The following RABL2A variants were observed in gnomAD, a reference collection of about 807,000 sequenced individuals.
The protein encoded by RABL2A is rab-like protein 2A.
In RABL2A, 17 loss-of-function variants were observed where a neutral mutation model predicts 30.7. That is an observed-to-expected ratio of 0.55 (90% CI 0.38 to 0.83). The LOEUF (loss-of-function observed/expected upper bound fraction) is 0.83, where lower values mean the gene tolerates loss of function less well. RABL2A is among the 40% of genes least tolerant of loss of function. The pLI is 0.00. For missense variants in RABL2A, 155 were observed against 272.6 expected, an observed-to-expected ratio of 0.57 and a Z score of 3.04; for synonymous variants, 64 against 101.8, an observed-to-expected ratio of 0.63 and a Z score of 2.24.
At position 113,634,191 on chromosome 2, in the gene RABL2A, A is replaced by T; in HGVS notation, c.176A>T (p.Tyr59Phe). ...QQLSTYALTL[Y>F]KHTATVDGKT... Reference sequence around the variant, plus strand: ...CTGTCCACGTACGCCCTGACCCTGTACAAGCACACAGCCACGGTAGATGGC... The same window carrying T: ...CTGTCCACGTACGCCCTGACCCTGTTCAAGCACACAGCCACGGTAGATGGC... The change falls in exon 4 of 9, where the codon TAC (tyrosine) becomes TTC (phenylalanine). Residue 59 changes from tyrosine to phenylalanine, a missense_variant. By Grantham distance (22) the Tyr-to-Phe change is conservative. Transcript: ENST00000683472. 1 of 1,612,904 alleles carries T rather than the reference A, an allele frequency of 6.2e-7. No homozygotes were observed. The highest frequency in any genetic ancestry group is 8.5e-7 in the Non-Finnish European group (1 of 1,179,410).
At chr2:113,627,682 C>T (rs1678613641) in intron 1 of RABL2A, among the ~76,000 whole-genome samples, 1 of 152,222 alleles carries the variant, frequency 6.6e-6, no homozygotes, top group African/African-American at 2.4e-5. Flanking sequence ...TCCAGGGATG[C>T]CGAGGAGGGA....
chr2:113,634,417 G>A, intron 4 of RABL2A, 185 bp downstream of exon 4: 2 of 712,956 alleles, frequency 2.8e-6, no homozygotes, highest in Non-Finnish European at 4.2e-6. Context: ...GGCACGCAGG[G>A]GCCAAGTCCC....
At chr2:113,633,415 T>G (rs549389935) in intron 3 of RABL2A, 1 of 224,516 alleles carries the variant, frequency 4.5e-6, no homozygotes, top group Non-Finnish European at 8.7e-6. Context: ...TGGAGTGAGT[T>G]CCTCCCCGCA....
intron 2 of RABL2A, 58 bp from the exon 3 acceptor site, chr2:113,632,857 T>A (rs1196597377): frequency 6.2e-7 from 1 of 1,614,056 alleles, no homozygotes; most frequent in Admixed American, 1.7e-5. Context: ...GGTGAAAAAG[T>A]CTGGGACAAG....
intron 1 of RABL2A, 60 bp downstream of exon 1, chr2:113,627,460 T>C (rs1678492398): frequency 6.6e-6 from 1 of 151,096 alleles, no homozygotes; most frequent in Non-Finnish European, 1.5e-5. Flanking sequence ...CTCCGAGGCC[T>C]CCCTAGCGGT....
intron 5 of RABL2A, 48 bp from the exon 6 acceptor site, chr2:113,640,846 A>G (rs1187899200): frequency 6.2e-7 from 1 of 1,611,606 alleles, no homozygotes. Flanking sequence ...GATGGGGTGC[A>G]GAAACATTGA....
At chr2:113,628,761 G>A (rs149500718) in intron 2 of RABL2A, 48 bp downstream of exon 2, 278,003 of 1,057,806 alleles carry the variant, frequency 0.26, 28,416 homozygotes, top group Middle Eastern at 0.36. Context: ...AGAGGGTCCA[G>A]GTCATTTAAA....
intron 6 of RABL2A, 120 bp from the exon 7 acceptor site, chr2:113,641,233 G>A (rs1392260297): frequency 7.2e-6 from 11 of 1,529,938 alleles, no homozygotes; most frequent in South Asian, 1.2e-5. Context: ...GCTCTTTCTA[G>A]GACATGTTTC....
chr2:113,631,603 T>C (rs1680389389), intron 2 of RABL2A, among the ~76,000 whole-genome samples: 1 of 152,192 alleles, frequency 6.6e-6, no homozygotes, highest in African/African-American at 2.4e-5. Flanking sequence ...GCTCTGTTTT[T>C]GAGCTCAGGC....
intron 5 of RABL2A, among the ~76,000 whole-genome samples, chr2:113,635,710 T>C (rs1307964659): frequency 6.6e-6 from 1 of 152,222 alleles, no homozygotes; most frequent in Non-Finnish European, 1.5e-5. Flanking sequence ...TCTGTAAACC[T>C]GTGTCCTATA....
chr2:113,635,637 G>A (rs793077), intron 5 of RABL2A: 67,973 of 191,614 alleles, frequency 0.35, 14,665 homozygotes, highest in African/African-American at 0.64. Context: ...CCCGGGTGTG[G>A]TGAAGCAGTC....
In RABL2A at chr2:113,632,834, T is replaced by A; in HGVS notation, c.108-81T>A. Reference sequence around the variant, plus strand: ...AGGGAAGCCACAGGTGGCTTCCAGGTTGTCAGCCTTAGGGTGAAAAAGTCT... The same window carrying A: ...AGGGAAGCCACAGGTGGCTTCCAGGATGTCAGCCTTAGGGTGAAAAAGTCT... On this transcript the variant is annotated intron_variant, in intron 2 of 8. Coordinates refer to ENST00000683472, the MANE Select transcript of RABL2A (RefSeq NM_001306158.2). The A allele has an allele frequency of 6.8e-6, 11 of 1,608,944 alleles. No homozygotes were observed. The South Asian group carries it at 1.2e-4, about 18-fold the overall frequency.
intron 5 of RABL2A, 32 bp from the exon 6 acceptor site, chr2:113,640,862 C>G (rs370706326): frequency 6.2e-7 from 1 of 1,613,670 alleles, no homozygotes; most frequent in Admixed American, 1.7e-5. Context: ...ATTGACATAC[C>G]TGAGCTATCT....
intron 5 of RABL2A, among the ~76,000 whole-genome samples, chr2:113,636,279 G>A (rs564187224): frequency 1.7e-3 from 264 of 151,958 alleles, no homozygotes; most frequent in African/African-American, 6.0e-3. Flanking sequence ...AAAACTTGGC[G>A]GTACAAAACA....
At position 113,631,192 on chromosome 2, in the gene RABL2A, G is replaced by T. The variant is rs553119712; in HGVS notation, c.108-1723G>T. On this transcript the variant is annotated intron_variant, in intron 2 of 8. Coordinates refer to ENST00000683472, the MANE Select transcript of RABL2A (RefSeq NM_001306158.2). ...TTACAGGTGTGAGCCACCGCACCCA[G>T]CCAACAAGACGTGGCTTTCTGATTC... is the stretch of plus-strand genomic sequence containing the variant. Among the ~76,000 whole-genome samples, 116 of 152,296 alleles carry T rather than the reference G, an allele frequency of 7.6e-4. 1 individual carries two copies. The highest frequency in any genetic ancestry group is 2.6e-3 in the African/African-American group (109 of 41,560).
chr2:113,638,426 G>A (rs1683774568), intron 5 of RABL2A: 6 of 985,252 alleles, frequency 6.1e-6, no homozygotes, highest in Middle Eastern at 5.2e-4. Context: ...TCCACTGACT[G>A]TTGTACTAGG....
intron 5 of RABL2A, among the ~76,000 whole-genome samples, chr2:113,639,854 TA>T (rs1274429437): frequency 0.39 from 42,530 of 109,218 alleles, 7,637 homozygotes; most frequent in Middle Eastern, 0.48. Flanking sequence ...AGACTCCGTC[TA>T]AAAAAAAAAA....
chr2:113,632,964 G>A lies in RABL2A; in HGVS notation c.137+20G>A. On this transcript the variant is annotated intron_variant, in intron 3 of 8. Coordinates refer to ENST00000683472, the MANE Select transcript of RABL2A (RefSeq NM_001306158.2). ...TGGCTTGTATCCTTCAAGGTTTGAA[G>A]TACTCCTTGTTCCTGTGGGTCTTCC... is the stretch of plus-strand genomic sequence containing the variant. 1 of 1,614,218 alleles carries A rather than the reference G, an allele frequency of 6.2e-7. No homozygotes were observed. The highest frequency in any genetic ancestry group is 1.3e-5 in the African/African-American group (1 of 75,046).
intron 6 of RABL2A, 129 bp from the exon 7 acceptor site, chr2:113,641,224 C>T (rs1685022263): frequency 2.0e-6 from 3 of 1,485,264 alleles, no homozygotes; most frequent in Non-Finnish European, 2.8e-6. Context: ...ATTAACTGAG[C>T]TCTTTCTAGG....
Sources: gnomAD v4.1 joint callset for allele counts (sites outside exome capture counted in the v4.1 genomes callset) on GRCh38, gnomAD v4.1.1 for gene constraint, MANE v1.5 for transcripts, NCBI Gene and HGNC (gene_info 2026-07-23, HGNC 2026-07-21) for gene names.